Variants in DZIP3 observed in about 807,000 individuals in gnomAD.
DZIP3 encodes DAZ interacting zinc finger protein 3, also known as E3 ubiquitin-protein ligase DZIP3.
Under a neutral mutation model 162.0 loss-of-function variants are expected in DZIP3, and 118 were observed. That is an observed-to-expected ratio of 0.73 (90% confidence interval 0.63 to 0.85). The LOEUF (loss-of-function observed/expected upper bound fraction) is 0.85, where lower values mean the gene tolerates loss of function less well. Ranked by LOEUF, DZIP3 falls within the 40% of genes least tolerant of loss-of-function variation. The probability of loss-of-function intolerance (pLI) is 0.00; values close to 1 mark genes in which losing one functional copy is unlikely to be tolerated. For synonymous variants in DZIP3, 438 were observed against 458.6 expected, an observed-to-expected ratio of 0.96 and a Z score of 0.57; for missense variants, 1,331 against 1,407.0, an observed-to-expected ratio of 0.95 and a Z score of 0.86.
At chr3:108,645,895 T>C (rs1316799686) in intron 14 of DZIP3, among the ~76,000 whole-genome samples, 1 of 152,180 alleles carries the variant, frequency 6.6e-6, no homozygotes, top group African/African-American at 2.4e-5. Context: ...ACATTTACTC[T>C]ATTAGGATTT....
rs999940248 is a variant in DZIP3, at chr3:108,669,898, A to G, written c.2492+149A>G. The G allele has an allele frequency of 2.6e-5, 16 of 612,132 alleles. No individual in the cohort carries two copies. The African/African-American group carries it at 3.0e-4, about 11-fold the overall frequency. 37.9% of individuals were successfully genotyped at this position (612,132 alleles called of 1,614,324 possible). A position where few individuals can be genotyped will look rare whatever the true frequency, so the allele number is the denominator to read the frequency against. On this transcript the variant is annotated intron_variant, in intron 22 of 32. Coordinates refer to ENST00000361582, the MANE Select transcript of DZIP3 (RefSeq NM_014648.4). ...ACAGTACTAATAATACACTGGGACA[A>G]AAGGTGTAAACTGGGAGTATCTTAG...
chr3:108,692,742 C>T (rs1316846322), intron 32 of DZIP3, among the ~76,000 whole-genome samples: 1 of 152,070 alleles, frequency 6.6e-6, no homozygotes, highest in Non-Finnish European at 1.5e-5. Flanking sequence ...AGATAGTTTA[C>T]TTTTCCAAGT....
intron 21 of DZIP3, among the ~76,000 whole-genome samples, chr3:108,664,607 A>G (rs772732932): frequency 4.6e-5 from 7 of 152,232 alleles, no homozygotes; most frequent in Non-Finnish European, 8.8e-5. Context: ...CCCTCTCACT[A>G]GGAATTAAGT....
At chr3:108,661,345 A>T (rs1208510505) in intron 19 of DZIP3, among the ~76,000 whole-genome samples, 1 of 152,130 alleles carries the variant, frequency 6.6e-6, no homozygotes, top group Non-Finnish European at 1.5e-5. Context: ...GGGACATGGA[A>T]GAAGCTGGAA....
At chr3:108,650,990 G>A (rs1158477360) in intron 17 of DZIP3, 147 bp from the exon 18 acceptor site, 6 of 217,542 alleles carry the variant, frequency 2.8e-5, no homozygotes, top group Non-Finnish European at 5.6e-5. Flanking sequence ...AAAAGTATAT[G>A]CATAAGTGCA....
intron 9 of DZIP3, among the ~76,000 whole-genome samples, chr3:108,633,498 A>G (rs868360183): frequency 4.6e-5 from 7 of 151,894 alleles, no homozygotes; most frequent in African/African-American, 9.7e-5. Context: ...TTTCTCTTCT[A>G]TGGGCCTTGG....
chr3:108,594,132 T>G (rs758586696), intron 1 of DZIP3, among the ~76,000 whole-genome samples: 2 of 152,174 alleles, frequency 1.3e-5, no homozygotes, highest in Non-Finnish European at 2.9e-5. Flanking sequence ...GTTTTAAATT[T>G]CCATTTTCAT....
chr3:108,595,814 G>A (rs1939682417), intron 1 of DZIP3, among the ~76,000 whole-genome samples: 1 of 152,178 alleles, frequency 6.6e-6, no homozygotes, highest in Non-Finnish European at 1.5e-5. Context: ...ACTAAGTTTT[G>A]TAATATGGGA....
At chr3:108,597,979 T>C (rs937143640) in intron 1 of DZIP3, among the ~76,000 whole-genome samples, 1 of 152,192 alleles carries the variant, frequency 6.6e-6, no homozygotes, top group African/African-American at 2.4e-5. Context: ...ATTTCATTGT[T>C]TATTTCAGTA....
Position 108,629,141 on chromosome 3 carries a change from C to T in DZIP3, c.661C>T (p.Pro221Ser), listed in dbSNP as rs929513791. The T allele has an allele frequency of 3.1e-6, 5 of 1,592,596 alleles. No homozygotes were observed. The highest frequency in any genetic ancestry group is 3.4e-6 in the Non-Finnish European group (4 of 1,173,268). Residue 221 changes from proline (P) to serine (S), a missense_variant, in exon 8 of 33, where the codon CCT becomes TCT. This residue lies in a region of DZIP3 where 1,278 missense variants were observed against 1,317.1 expected (regional missense o/e 0.97). Coordinates refer to ENST00000361582, the MANE Select transcript of DZIP3 (RefSeq NM_014648.4). Reference sequence around the variant, plus strand: ...AAATGACCATTGGTTTGACATAGATCCTACAGAAGATGAAGATTTACCTAC... The same window carrying T: ...AAATGACCATTGGTTTGACATAGATTCTACAGAAGATGAAGATTTACCTAC... The part of the protein sequence containing the change: ...DKNDHWFDID[P>S]TEDEDLPTTF...
At chr3:108,605,246 A>G in intron 1 of DZIP3, 89 bp from the exon 2 acceptor site, 1 of 974,120 alleles carries the variant, frequency 1.0e-6, no homozygotes, top group South Asian at 1.5e-5. Context: ...GCAGTTTCAG[A>G]TTTTCTTCAA....
At chr3:108,619,393 T>C (rs1188934494) in intron 5 of DZIP3, among the ~76,000 whole-genome samples, 9 of 151,954 alleles carry the variant, frequency 5.9e-5, no homozygotes, top group African/African-American at 1.2e-4. Flanking sequence ...TTATAAGGAA[T>C]GTATATGTGA....
At chr3:108,664,705 C>A (rs150952251) in intron 21 of DZIP3, among the ~76,000 whole-genome samples, 11 of 152,338 alleles carry the variant, frequency 7.2e-5, no homozygotes, top group Admixed American at 2.0e-4. Context: ...GAACTTCTGC[C>A]TCCACCCTGC....
chr3:108,647,767 C>T (rs1942694954), intron 15 of DZIP3, among the ~76,000 whole-genome samples, 176 bp from the exon 16 acceptor site: 1 of 152,056 alleles, frequency 6.6e-6, no homozygotes, highest in Non-Finnish European at 1.5e-5. Flanking sequence ...GGTGTTTGTA[C>T]ATATTATTTG....
intron 24 of DZIP3, among the ~76,000 whole-genome samples, chr3:108,675,153 C>A (rs1944057749): frequency 1.3e-5 from 2 of 151,864 alleles, no homozygotes; most frequent in Admixed American, 1.3e-4. Context: ...CATATGAAAT[C>A]TCTTTTCTAG....
Position 108,625,845 on chromosome 3 carries a change from G to T in DZIP3, c.457G>T (p.Asp153Tyr). 3 of 1,609,504 alleles carry T rather than the reference G, an allele frequency of 1.9e-6. No homozygotes were observed. Among genetic ancestry groups the T allele is most frequent in the South Asian group, 1.1e-5 (1 of 90,156 alleles). ...VALTERGKKE[D>Y]YTEAENKFLV... ...CAAACCTAGTTTTATGTTACTACAG[G>T]ATTATACAGAAGCTGAGAATAAATT... Residue 153 changes from aspartate (D) to tyrosine (Y), a missense_variant and splice_region_variant, in exon 7 of 33, where the codon GAT (aspartate) becomes TAT (tyrosine). Asp to Tyr is a radical substitution (Grantham distance 160). Coordinates refer to ENST00000361582, the MANE Select transcript of DZIP3 (RefSeq NM_014648.4).
At chr3:108,668,207 G>T (rs1002022804) in intron 21 of DZIP3, among the ~76,000 whole-genome samples, 2 of 151,974 alleles carry the variant, frequency 1.3e-5, no homozygotes, top group African/African-American at 4.8e-5. Context: ...CTTAACTTTG[G>T]ATAAACTACA....
At chr3:108,662,326 C>T in intron 21 of DZIP3, 69 bp downstream of exon 21, 2 of 1,495,730 alleles carry the variant, frequency 1.3e-6, no homozygotes, top group Middle Eastern at 1.8e-4. Flanking sequence ...TAGTTAATCT[C>T]TGCATAACCA....
intron 2 of DZIP3, 109 bp downstream of exon 2, chr3:108,605,547 G>A (rs3111478): frequency 0.34 from 368,465 of 1,087,932 alleles, 65,748 homozygotes; most frequent in Middle Eastern, 0.38. Flanking sequence ...GAAACTGTTC[G>A]ACTTCAGATC....
Sources: allele counts gnomAD v4.1 joint callset (sites outside exome capture counted in the v4.1 genomes callset), GRCh38; gene constraint gnomAD v4.1.1; regional missense constraint gnomAD v4.1.1; transcripts MANE v1.5; gene names NCBI Gene and HGNC (gene_info 2026-07-23, HGNC 2026-07-21).